The following DLG1 variants were observed in gnomAD, a reference collection of about 807,000 sequenced individuals.
DLG1 encodes the protein discs large MAGUK scaffold protein 1, also known as disks large homolog 1.
A neutral mutation model predicts 123.4 loss-of-function variants in DLG1; 42 were observed. That is an observed-to-expected ratio of 0.34 (90% CI 0.27 to 0.44). The LOEUF (loss-of-function observed/expected upper bound fraction) is 0.44, where lower values mean the gene tolerates loss of function less well. Ranked by LOEUF, DLG1 falls within the 20% of genes least tolerant of loss-of-function variation. DLG1 has a pLI of 1.00. For missense variants in DLG1, 942 were observed against 1,082.6 expected, an observed-to-expected ratio of 0.87 and a Z score of 1.82; for synonymous variants, 317 against 356.2, an observed-to-expected ratio of 0.89 and a Z score of 1.24.
intron 4 of DLG1, among the ~76,000 whole-genome samples, chr3:197,232,137 C>CA (rs1561584208): frequency 6.6e-6 from 1 of 151,336 alleles, no homozygotes; most frequent in Admixed American, 6.5e-5. Flanking sequence ...AATTTGAGCA[C>CA]AAAAAACAGC....
At chr3:197,248,101 C>A (rs565782841) in intron 4 of DLG1, among the ~76,000 whole-genome samples, 5 of 152,300 alleles carry the variant, frequency 3.3e-5, no homozygotes, top group African/African-American at 1.2e-4. Context: ...GAATCTCATT[C>A]ATGCACTTTC....
chr3:197,245,564 C>T (rs193301422), intron 4 of DLG1, among the ~76,000 whole-genome samples: 9 of 152,276 alleles, frequency 5.9e-5, no homozygotes, highest in African/African-American at 2.2e-4. Flanking sequence ...ACTTTAAGAA[C>T]TGCATCACAC....
At chr3:197,298,164 T>C (rs1579656258) in intron 1 of DLG1, 1 of 219,694 alleles carries the variant, frequency 4.6e-6, no homozygotes, top group African/African-American at 2.3e-5. Context: ...GTGACCGCTT[T>C]CCCGGCGCTC....
intron 5 of DLG1, among the ~76,000 whole-genome samples, chr3:197,184,807 T>C (rs1233438018): frequency 2.6e-5 from 4 of 152,222 alleles, no homozygotes; most frequent in South Asian, 2.1e-4. Flanking sequence ...TAAATACCAC[T>C]CTGGTTCACC....
At chr3:197,186,086 G>T (rs1715778364) in intron 5 of DLG1, among the ~76,000 whole-genome samples, 1 of 152,142 alleles carries the variant, frequency 6.6e-6, no homozygotes, top group African/African-American at 2.4e-5. Flanking sequence ...CAAGTTTTGG[G>T]AAAGACTTCT....
intron 9 of DLG1, 53 bp downstream of exon 9, chr3:197,138,169 T>C: frequency 5.3e-6 from 6 of 1,138,018 alleles, no homozygotes; most frequent in Non-Finnish European, 7.2e-6. Flanking sequence ...TTCATAGGTA[T>C]ATTTAACTCA....
chr3:197,062,879 T>C (rs1736799353), intron 22 of DLG1, among the ~76,000 whole-genome samples: 1 of 152,194 alleles, frequency 6.6e-6, no homozygotes, highest in African/African-American at 2.4e-5. Flanking sequence ...TCGCTCTAAT[T>C]ATCTAATATC....
chr3:197,217,681 T>C (rs555912756), intron 4 of DLG1, among the ~76,000 whole-genome samples: 58 of 152,250 alleles, frequency 3.8e-4, no homozygotes, highest in Middle Eastern at 3.4e-3. Flanking sequence ...GACTTAAAAA[T>C]AGAACATATT....
intron 5 of DLG1, among the ~76,000 whole-genome samples, chr3:197,179,449 G>A (rs116289728): frequency 0.041 from 6,301 of 152,090 alleles, 178 homozygotes; most frequent in Non-Finnish European, 0.054. Context: ...GAGATCTCTG[G>A]TTCTTAAAAA....
chr3:197,290,526 T>C (rs1278906651), intron 3 of DLG1, among the ~76,000 whole-genome samples: 1 of 152,162 alleles, frequency 6.6e-6, no homozygotes, highest in African/African-American at 2.4e-5. Flanking sequence ...TACCTCTGGA[T>C]GTACAGAATC....
At chr3:197,231,803 T>C (rs2150619268) in intron 4 of DLG1, among the ~76,000 whole-genome samples, 1 of 152,244 alleles carries the variant, frequency 6.6e-6, no homozygotes, top group Non-Finnish European at 1.5e-5. Context: ...AAAATTAATG[T>C]CAAATCAAAT....
chr3:197,248,722 AC>A (rs1350584038), intron 4 of DLG1, among the ~76,000 whole-genome samples: 2 of 150,504 alleles, frequency 1.3e-5, no homozygotes, highest in Non-Finnish European at 3.0e-5. Flanking sequence ...AGGACAAAGA[AC>A]CAGGAAGTTT....
chr3:197,145,116 T>C (rs1181717018), intron 6 of DLG1, among the ~76,000 whole-genome samples: 2 of 151,940 alleles, frequency 1.3e-5, no homozygotes, highest in African/African-American at 4.8e-5. Context: ...GAGGAGTAAC[T>C]TCAAGAGCTG....
chr3:197,287,839 C>T (rs180732893), intron 3 of DLG1, among the ~76,000 whole-genome samples: 330 of 152,204 alleles, frequency 2.2e-3, no homozygotes, highest in African/African-American at 7.7e-3. Flanking sequence ...GTGAATTGGT[C>T]ATTCTTCCAC....
chr3:197,183,529 G>A (rs1204984484), intron 5 of DLG1: 10 of 1,503,296 alleles, frequency 6.7e-6, no homozygotes, highest in Admixed American at 4.0e-5. Flanking sequence ...CAGAGCAAAC[G>A]TAAACAGAAA....
chr3:197,124,796 T>C (rs1419991384), intron 11 of DLG1, among the ~76,000 whole-genome samples: 2 of 152,084 alleles, frequency 1.3e-5, no homozygotes, highest in African/African-American at 4.8e-5. Context: ...CAGCTCTCGG[T>C]GATATTAAGC....
At chr3:197,110,527 G>T (rs1475461412) in intron 13 of DLG1, among the ~76,000 whole-genome samples, 1 of 152,084 alleles carries the variant, frequency 6.6e-6, no homozygotes, top group Non-Finnish European at 1.5e-5. Flanking sequence ...TCCATTGATT[G>T]CGTTTTTCTC....
chr3:197,292,506 C>T (rs1195802724), intron 3 of DLG1, among the ~76,000 whole-genome samples: 2 of 152,106 alleles, frequency 1.3e-5, no homozygotes, highest in African/African-American at 4.8e-5. Context: ...TTTTGCAAGA[C>T]GAAAGTGTTC....
chr3:197,068,597 T>C, intron 19 of DLG1: 4 of 1,093,722 alleles, frequency 3.7e-6, no homozygotes, highest in Non-Finnish European at 4.0e-6. Flanking sequence ...ATTTTTAAGG[T>C]GCTACAACTG....
Sources: gnomAD v4.1 joint callset for allele counts (sites outside exome capture counted in the v4.1 genomes callset) on GRCh38, gnomAD v4.1.1 for gene constraint, MANE v1.5 for transcripts, NCBI Gene and HGNC (gene_info 2026-07-23, HGNC 2026-07-21) for gene names.